Variants in STAC observed in about 807,000 individuals in gnomAD.
STAC encodes the protein SH3 and cysteine-rich domain-containing protein.
A neutral mutation model predicts 48.8 loss-of-function variants in STAC; 43 were observed. That is an observed-to-expected ratio of 0.88 (90% CI 0.69 to 1.14). The LOEUF is 1.14. STAC is among the 50% of genes most tolerant of loss of function. The pLI, the probability that STAC is intolerant of heterozygous loss-of-function variation, is 0.00. For missense variants in STAC, 497 were observed against 504.0 expected (o/e 0.99, Z 0.13); for synonymous variants, 193 against 179.5 (o/e 1.07, Z -0.60).
In STAC at chr3:36,406,718, T is replaced by C. The variant is rs549788292; in HGVS notation, c.111+25964T>C. ...ATTGAAACACAGCCATGTTCATTCA[T>C]TCACACATTGTTTATGGTTATTTTC... On this transcript the variant is annotated intron_variant, in intron 1 of 10. Coordinates refer to ENST00000273183, the MANE Select transcript of STAC (RefSeq NM_003149.3). Among the ~76,000 whole-genome samples the C allele has an allele frequency of 5.9e-5, 9 of 152,354 alleles. No individual in the cohort carries two copies. The East Asian group carries it at 1.5e-3, about 26-fold the overall frequency.
chr3:36,475,075 TTTCCTCAA>T (rs1187976969), intron 2 of STAC, among the ~76,000 whole-genome samples: 61 of 149,718 alleles, frequency 4.1e-4, no homozygotes, highest in Non-Finnish European at 3.4e-4. Context: ...AGTTTGATTT[TTTCCTCAA>T]TTCATTTTTT....
At chr3:36,492,031 A>AAAAAATATATATATATAT (rs1553639882) in intron 5 of STAC, among the ~76,000 whole-genome samples, 1 of 16,440 alleles carries the variant, frequency 6.1e-5, no homozygotes, top group African/African-American at 1.9e-4. Context: ...AAAAAAAAAA[A>AAAAAATATATATATATAT]ATATATATAT....
chr3:36,431,831 C>T (rs1202803290), intron 1 of STAC, among the ~76,000 whole-genome samples: 2 of 152,120 alleles, frequency 1.3e-5, no homozygotes, highest in African/African-American at 4.8e-5. Context: ...AACTCCTTTT[C>T]TATTACTGCT....
intron 1 of STAC, among the ~76,000 whole-genome samples, chr3:36,418,425 T>C (rs1209981252): frequency 3.3e-5 from 5 of 152,184 alleles, no homozygotes; most frequent in African/African-American, 9.6e-5. Flanking sequence ...TTAGGTGTTT[T>C]AATGTTTGCC....
At position 36,380,565 on chromosome 3, in the gene STAC, GGC is replaced by G; in HGVS notation, c.-73_-72del. The G allele has an allele frequency of 8.4e-7, 1 of 1,192,172 alleles. No individual in the cohort carries two copies. 73.8% of individuals were successfully genotyped at this position (1,192,172 alleles called of 1,614,324 possible). On this transcript the variant is annotated 5_prime_UTR_variant, in exon 1 of 11. Transcript: ENST00000273183. ...CCCAGGACCCGGAGCTGAGCAGCCT[GGC>G]GCGCGGCGGGCAGGGCGCGCAGGAC... is the stretch of plus-strand genomic sequence containing the variant.
intron 8 of STAC, among the ~76,000 whole-genome samples, chr3:36,526,029 G>C (rs1156345): frequency 6.6e-6 from 1 of 152,114 alleles, no homozygotes; most frequent in Non-Finnish European, 1.5e-5. Flanking sequence ...AAACAAGAAC[G>C]CATGCTAAGA....
At chr3:36,389,650 A>G (rs1699708565) in intron 1 of STAC, among the ~76,000 whole-genome samples, 1 of 152,186 alleles carries the variant, frequency 6.6e-6, no homozygotes, top group Admixed American at 6.5e-5. Flanking sequence ...AAAATCATTT[A>G]TATTCCATTT....
intron 2 of STAC, among the ~76,000 whole-genome samples, chr3:36,467,356 C>G (rs1697206278): frequency 6.6e-6 from 1 of 152,014 alleles, no homozygotes; most frequent in Non-Finnish European, 1.5e-5. Flanking sequence ...ATTCTGGATT[C>G]ATAGAATGAT....
intron 1 of STAC, among the ~76,000 whole-genome samples, chr3:36,418,221 A>G (rs541475178): frequency 3.4e-4 from 51 of 152,110 alleles, no homozygotes; most frequent in African/African-American, 1.2e-3. Flanking sequence ...TGCTTCATCA[A>G]TATGCACTAT....
intron 8 of STAC, among the ~76,000 whole-genome samples, chr3:36,513,343 A>G (rs944406684): frequency 6.6e-5 from 10 of 152,268 alleles, no homozygotes; most frequent in African/African-American, 2.2e-4. Flanking sequence ...CCCAGGCCTC[A>G]AGCCAGCCAG....
At chr3:36,444,140 C>T (rs1197082749) in intron 2 of STAC, among the ~76,000 whole-genome samples, 1 of 152,136 alleles carries the variant, frequency 6.6e-6, no homozygotes, top group African/African-American at 2.4e-5. Context: ...AAATGGTGGG[C>T]AATATTAACC....
At chr3:36,536,162 T>C (rs1699193538) in intron 10 of STAC, among the ~76,000 whole-genome samples, 1 of 152,120 alleles carries the variant, frequency 6.6e-6, no homozygotes, top group African/African-American at 2.4e-5. Context: ...GATTGGTCTA[T>C]TCAGGGATTC....
At chr3:36,532,792 G>T (rs984709210) in intron 10 of STAC, among the ~76,000 whole-genome samples, 3 of 152,040 alleles carry the variant, frequency 2.0e-5, no homozygotes, top group African/African-American at 7.2e-5. Context: ...CTAGCCCCTG[G>T]CTCACAGAAA....
chr3:36,490,939 T>C (rs561620631), intron 5 of STAC, among the ~76,000 whole-genome samples: 4 of 152,306 alleles, frequency 2.6e-5, no homozygotes, highest in African/African-American at 9.6e-5. Flanking sequence ...GTTCCACCAG[T>C]AGATATTTGT....
rs536323360 is a variant in STAC at position 36,450,719 on chromosome 3, T to C, written c.388+7079T>C. Among the ~76,000 whole-genome samples, 8 of 152,258 alleles carry C rather than the reference T, an allele frequency of 5.3e-5. No individual in the cohort carries two copies. In the East Asian group the frequency reaches 1.6e-3, roughly 30 times the overall value. ...TTTTATATTTTTAGTAGAGATGGGT[T>C]TCACCATGTTGGCCAGGCTGGTTTC... On this transcript the variant is annotated intron_variant, in intron 2 of 10. Coordinates refer to ENST00000273183, the MANE Select transcript of STAC (RefSeq NM_003149.3).
intron 7 of STAC, among the ~76,000 whole-genome samples, chr3:36,504,873 GTA>G (rs1476531095): frequency 6.6e-6 from 1 of 151,802 alleles, no homozygotes; most frequent in South Asian, 2.1e-4. Context: ...CAGCTTTTGT[GTA>G]TGTTTTCTAT....
At chr3:36,540,267 A>G (rs148784157) in intron 10 of STAC, among the ~76,000 whole-genome samples, 1 of 152,276 alleles carries the variant, frequency 6.6e-6, no homozygotes, top group East Asian at 1.9e-4. Context: ...GGACTTCTGA[A>G]CCCTAGAACT....
intron 1 of STAC, among the ~76,000 whole-genome samples, chr3:36,418,288 T>C (rs1441577942): frequency 3.9e-5 from 6 of 152,226 alleles, no homozygotes; most frequent in African/African-American, 1.4e-4. Context: ...AATACAACTA[T>C]GATTGTATCT....
At chr3:36,515,597 C>G (rs894390781) in intron 8 of STAC, among the ~76,000 whole-genome samples, 1 of 152,070 alleles carries the variant, frequency 6.6e-6, no homozygotes, top group Non-Finnish European at 1.5e-5. Context: ...CAAGTGAAAG[C>G]GGGTAGAGGA....
Sources: allele counts gnomAD v4.1 joint callset (sites outside exome capture counted in the v4.1 genomes callset), GRCh38; gene constraint gnomAD v4.1.1; transcripts MANE v1.5; gene names NCBI Gene and HGNC (gene_info 2026-07-23, HGNC 2026-07-21).